The following RMDN2 variants were observed in gnomAD, a reference collection of about 807,000 sequenced individuals.
RMDN2 encodes regulator of microtubule dynamics 2.
In RMDN2, 61 loss-of-function variants were observed where a neutral mutation model predicts 52.8. The observed-to-expected ratio is 1.16, with a 90% CI of 0.94 to 1.43. The LOEUF (loss-of-function observed/expected upper bound fraction) is 1.43, where lower values mean the gene tolerates loss of function less well. RMDN2 is among the 40% of genes most tolerant of loss of function. RMDN2 has a pLI of 0.00. For missense variants in RMDN2, 592 were observed against 475.3 expected, an observed-to-expected ratio of 1.25 and a Z score of -2.28; for synonymous variants, 180 against 153.1, an observed-to-expected ratio of 1.18 and a Z score of -1.30.
chr2:38,026,143 G>A, intron 10 of RMDN2, among the ~76,000 whole-genome samples: 1 of 151,998 alleles, frequency 6.6e-6, no homozygotes, highest in Non-Finnish European at 1.5e-5. Context: ...GAGATACAGG[G>A]CTATTTAGAT....
chr2:38,027,477 C>A (rs1198310828), intron 10 of RMDN2: 1 of 152,046 alleles, frequency 6.6e-6, no homozygotes, highest in African/African-American at 2.4e-5. Flanking sequence ...GTCCTATAAA[C>A]CATTATTTTA....
At chr2:37,984,372 C>T (rs1314170250) in intron 5 of RMDN2, among the ~76,000 whole-genome samples, 1 of 152,160 alleles carries the variant, frequency 6.6e-6, no homozygotes, top group African/African-American at 2.4e-5. Context: ...TTGTGCTCTA[C>T]CCTTTGCAAA....
rs1476868536 is a variant in RMDN2 at position 38,067,059 on chromosome 2, G to A, written c.*69G>A. On this transcript the variant is annotated 3_prime_UTR_variant, in exon 11 of 11. Coordinates refer to the RMDN2 transcript ENST00000234195. ...GTGAGTGTGGCACAGTGAAGGCCTG[G>A]AGAGTCATGACCTAGGCCCTGTGAA... The A allele has an allele frequency of 2.6e-6, 4 of 1,509,694 alleles. No individual in the cohort carries two copies. The Admixed American group carries it at 6.7e-5, about 25-fold the overall frequency. The allele number at this position is 1,509,694 out of a possible 1,614,324, so 93.5% of individuals were successfully genotyped here.
chr2:38,048,677 C>T (rs1681416148), intron 10 of RMDN2, among the ~76,000 whole-genome samples: 1 of 152,208 alleles, frequency 6.6e-6, no homozygotes, highest in African/African-American at 2.4e-5. Flanking sequence ...AACAGAACCA[C>T]CAGGTAGTCA....
chr2:37,989,479 G>C, intron 5 of RMDN2, 62 bp from the exon 6 acceptor site: 4 of 1,001,250 alleles, frequency 4.0e-6, no homozygotes, highest in South Asian at 2.8e-5. Flanking sequence ...TTATGTTTTG[G>C]TGGCATTTTG....
At chr2:38,020,612 AGCCGGCCCT>A (rs1679279692), downstream of RMDN2, among the ~76,000 whole-genome samples, 1 of 152,200 alleles carries the variant, frequency 6.6e-6, no homozygotes, top group South Asian at 2.1e-4. Context: ...GGGAGCGGCC[AGCCGGCCCT>A]GCCGGCCCAG....
intron 7 of RMDN2, among the ~76,000 whole-genome samples, chr2:37,991,771 C>CA (rs543892747): frequency 1.3e-5 from 2 of 152,172 alleles, no homozygotes; most frequent in South Asian, 4.2e-4. Context: ...ACTAACTGGC[C>CA]AGGGATGAAT....
chr2:37,950,313 CT>C (rs1486441539), intron 2 of RMDN2: 4 of 731,894 alleles, frequency 5.5e-6, no homozygotes, highest in Non-Finnish European at 8.8e-6. Flanking sequence ...TGGATGACTC[CT>C]CCAACAGTGA....
intron 2 of RMDN2, among the ~76,000 whole-genome samples, chr2:37,932,501 T>C (rs1248961571): frequency 3.3e-5 from 5 of 150,746 alleles, no homozygotes; most frequent in African/African-American, 4.9e-5. Flanking sequence ...TTTCTCAATC[T>C]TTTCCCCACC....
intron 7 of RMDN2, among the ~76,000 whole-genome samples, chr2:37,993,581 C>G (rs193152623): frequency 6.6e-6 from 1 of 152,116 alleles, no homozygotes; most frequent in Admixed American, 6.6e-5. Flanking sequence ...AATACCAGTT[C>G]CAAGTACTGG....
intron 2 of RMDN2, among the ~76,000 whole-genome samples, chr2:37,964,098 C>G (rs1050894513): frequency 2.6e-5 from 4 of 151,404 alleles, no homozygotes; most frequent in Non-Finnish European, 5.9e-5. Flanking sequence ...ACTTCCCAGA[C>G]GGGGCGGCTG....
chr2:37,973,408 C>G (rs1405569249), intron 2 of RMDN2, among the ~76,000 whole-genome samples: 4 of 152,304 alleles, frequency 2.6e-5, no homozygotes, highest in Admixed American at 2.0e-4. Flanking sequence ...ATCCATTCAG[C>G]AAATTCAGTG....
At position 38,008,772 on chromosome 2, in the gene RMDN2, A is replaced by G. The variant is rs1343565533; in HGVS notation, c.1179+4556A>G. The stretch of plus-strand genomic sequence containing the variant: ...ATGATGTTAGCTGGTTATTTCGCTC[A>G]TTAGCTGATGCAGTTTCTTCCTAGC... On this transcript the variant is annotated intron_variant, in intron 10 of 10. Transcript: ENST00000354545. Among the ~76,000 whole-genome samples the G allele has an allele frequency of 2.6e-5, 4 of 152,184 alleles. No homozygotes were observed. In the East Asian group the frequency reaches 7.7e-4, roughly 29 times the overall value.
chr2:37,954,529 G>T (rs1008948315), intron 2 of RMDN2, among the ~76,000 whole-genome samples: 1 of 151,936 alleles, frequency 6.6e-6, no homozygotes, highest in African/African-American at 2.4e-5. Flanking sequence ...TTGACTTCTG[G>T]GCTTTCCATT....
intron 6 of RMDN2, 138 bp from the exon 7 acceptor site, chr2:37,991,082 T>C: frequency 2.4e-6 from 1 of 414,318 alleles, no homozygotes; most frequent in Non-Finnish European, 4.4e-6. Context: ...TTGATAAGAT[T>C]TCATTGTATT....
At chr2:37,936,703 G>A (rs146606723) in intron 2 of RMDN2, among the ~76,000 whole-genome samples, 17 of 152,312 alleles carry the variant, frequency 1.1e-4, no homozygotes, top group African/African-American at 4.1e-4. Context: ...TTTGAAAAGT[G>A]TCTGTTTATA....
chr2:37,991,738 T>C (rs568016467), intron 7 of RMDN2, among the ~76,000 whole-genome samples: 1 of 152,134 alleles, frequency 6.6e-6, no homozygotes, highest in South Asian at 2.1e-4. Flanking sequence ...CAGTAGTGTA[T>C]ACTGAGCACA....
At chr2:38,051,461 A>T (rs967882330) in intron 10 of RMDN2, among the ~76,000 whole-genome samples, 2 of 152,226 alleles carry the variant, frequency 1.3e-5, no homozygotes, top group Non-Finnish European at 2.9e-5. Flanking sequence ...TCTGACACAT[A>T]TAAAATATGT....
intron 9 of RMDN2, 29 bp from the exon 10 acceptor site, chr2:38,004,107 G>A (rs1161906536): frequency 1.9e-6 from 3 of 1,608,544 alleles, no homozygotes; most frequent in Middle Eastern, 3.3e-4. Context: ...AACGGATTAT[G>A]TTTAATATTG....
Sources: allele counts gnomAD v4.1 joint callset (sites outside exome capture counted in the v4.1 genomes callset), GRCh38; gene constraint gnomAD v4.1.1; transcripts MANE v1.5; gene names NCBI Gene and HGNC (gene_info 2026-07-23, HGNC 2026-07-21).